Variants in CLCA4 observed in about 807,000 individuals in gnomAD.
The protein encoded by CLCA4 is chloride channel accessory 4.
In CLCA4, 69 loss-of-function variants were observed where a neutral mutation model predicts 78.9. The observed-to-expected ratio is 0.87, with a 90% CI of 0.72 to 1.07. The LOEUF is 1.07. CLCA4 is among the 50% of genes least tolerant of loss of function. The pLI is 0.00. For missense variants in CLCA4, 1,133 were observed against 1,095.8 expected (o/e 1.03, Z -0.48); for synonymous variants, 362 against 375.8 (o/e 0.96, Z 0.42).
intron 1 of CLCA4, among the ~76,000 whole-genome samples, chr1:86,554,838 T>C (rs1649785898): frequency 6.6e-6 from 1 of 151,556 alleles, no homozygotes; most frequent in Non-Finnish European, 1.5e-5. Context: ...TTCCCTTTTC[T>C]CCTCAACCTC....
intron 1 of CLCA4, chr1:86,552,945 TG>T: frequency 4.7e-6 from 3 of 642,202 alleles, no homozygotes; most frequent in Non-Finnish European, 8.5e-6. Flanking sequence ...TCGGCGTCTG[TG>T]CTGAGGTGAC....
At position 86,571,194 on chromosome 1, in the gene CLCA4, C is replaced by T. The variant is rs1650340511; in HGVS notation, c.1300C>T (p.His434Tyr). 3.1e-6 allele frequency: 5 copies of T among 1,612,838 alleles called. No individual in the cohort carries two copies. The African/African-American group carries it at 6.7e-5, about 22-fold the overall frequency. ...DEVKQSGAIV[H>Y]FIALGRAADE... is the part of the protein sequence containing the mutation. ...AGTGAAACAAAGTGGGGCCATTGTT[C>T]ATTTTATTGCTTTGGGAAGAGCTGC... is the stretch of plus-strand genomic sequence containing the variant. Residue 434 changes from histidine (H) to tyrosine (Y), a missense_variant, in exon 8 of 14, where the codon CAT becomes TAT. Coordinates refer to ENST00000370563, the MANE Select transcript of CLCA4 (RefSeq NM_012128.4).
In CLCA4 at chr1:86,548,280, A is replaced by T. The variant is rs144946896; in HGVS notation, c.159+1002A>T. ...TCTATTCAGATCATTTGCCCATTTT[A>T]AAATATTATTATTATTATTACTTTG... On this transcript the variant is annotated intron_variant, in intron 1 of 13. Coordinates refer to ENST00000370563, the MANE Select transcript of CLCA4 (RefSeq NM_012128.4). Among the ~76,000 whole-genome samples the T allele has an allele frequency of 2.1e-3, 319 of 152,220 alleles. 1 individual carries two copies. Among genetic ancestry groups the T allele is most frequent in the Non-Finnish European group, 3.5e-3 (238 of 67,994 alleles).
chr1:86,574,613 G>A lies in CLCA4; in HGVS notation c.1541G>A (p.Gly514Glu), dbSNP rs1362838003. The change falls in exon 10 of 14, where the codon GGA (glycine) becomes GAA (glutamate). Residue 514 changes from glycine (G) to glutamate (E), a missense_variant. Transcript: ENST00000370563. ...ACTGTCATAATTGATAGTACAGTGG[G>A]AAAGGACACGTTCTTTCTCATCACA... is the stretch of plus-strand genomic sequence containing the variant. ...NDTVIIDSTV[G>E]KDTFFLITWN... is the part of the protein sequence containing the mutation. The A allele has an allele frequency of 6.2e-7, 1 of 1,613,142 alleles. No homozygotes were observed. The highest frequency in any genetic ancestry group is 8.5e-7 in the Non-Finnish European group (1 of 1,179,502).
chr1:86,555,267 T>C (rs151282359), intron 1 of CLCA4, among the ~76,000 whole-genome samples: 1,850 of 152,200 alleles, frequency 0.012, 19 homozygotes, highest in Middle Eastern at 0.044. Flanking sequence ...GCATCTTTGT[T>C]ATAAAATCTT....
rs759448427 is a variant in CLCA4, at chr1:86,580,266, G to C, written c.2681G>C (p.Gly894Ala). 1 of 1,611,722 alleles carries C rather than the reference G, an allele frequency of 6.2e-7. No individual in the cohort carries two copies. Among genetic ancestry groups the C allele is most frequent in the Non-Finnish European group, 8.5e-7 (1 of 1,178,940 alleles). ...ACTCCTGATAAAAGTCATAATTCTG[G>C]AGTTAATATTTCTACGCTGGTATTG... ...TPTPDKSHNS[G>A]VNISTLVLSV... The change falls in exon 14 of 14, where the codon GGA becomes GCA. Residue 894 changes from glycine to alanine, a missense_variant. Transcript: ENST00000370563.
chr1:86,580,487 G>A lies in CLCA4; in HGVS notation c.*142G>A. ...TCATAAAAATAATTTTAAGATGTCG[G>A]AAAAGGATACTTTGATTAAATAAAA... On this transcript the variant is annotated 3_prime_UTR_variant, in exon 14 of 14. Coordinates refer to ENST00000370563, the MANE Select transcript of CLCA4 (RefSeq NM_012128.4). The A allele has an allele frequency of 1.8e-6, 1 of 551,568 alleles. No homozygotes were observed. The highest frequency in any genetic ancestry group is 3.2e-5 in the East Asian group (1 of 31,094). 34.2% of individuals were successfully genotyped at this position (551,568 alleles called of 1,614,324 possible). A position where few individuals can be genotyped will look rare whatever the true frequency, so the allele number is the denominator to read the frequency against.
In CLCA4 at chr1:86,572,693, T is replaced by C. The variant is rs140066783; in HGVS notation, c.1440T>C (p.Asn480=). ...CTTTTGGGGCTCTTACATCAGGAAA[T>C]ACTGATCTCTCCCAGAAGTCCCTTC... ...IDAFGALTSG[N]TDLSQKSLQL... The change falls in exon 9 of 14, where the codon AAT becomes AAC. Residue 480 remains asparagine, a synonymous_variant. Coordinates refer to ENST00000370563, the MANE Select transcript of CLCA4 (RefSeq NM_012128.4). 5.9e-4 allele frequency: 944 copies of C among 1,600,934 alleles called. 9 individuals carry two copies. In the African/African-American group the frequency reaches 0.011, roughly 18 times the overall value.
At position 86,572,701 on chromosome 1, in the gene CLCA4, T is replaced by C. The variant is rs1176986964; in HGVS notation, c.1448T>C (p.Leu483Pro). ...GCTCTTACATCAGGAAATACTGATC[T>C]CTCCCAGAAGTCCCTTCAGGTCAGA... Reference protein sequence around the residue: ...FGALTSGNTDLSQKSLQLESK... With the variant: ...FGALTSGNTDPSQKSLQLESK... The change falls in exon 9 of 14, where the codon CTC (leucine) becomes CCC (proline). Residue 483 changes from leucine (L) to proline (P), a missense_variant. Physicochemically the swap from Leu to Pro is moderately conservative, Grantham distance 98. Coordinates refer to ENST00000370563, the MANE Select transcript of CLCA4 (RefSeq NM_012128.4). 6.3e-7 allele frequency: 1 copy of C among 1,596,680 alleles called. No homozygotes were observed. Among genetic ancestry groups the C allele is most frequent in the Admixed American group, 1.7e-5 (1 of 59,856 alleles).
chr1:86,572,733 A>C lies in CLCA4; in HGVS notation c.1467+13A>C. Reference sequence around the variant, plus strand: ...GAAGTCCCTTCAGGTCAGAGTTCTCATTCCTTGGGTTTTCATGTTCACTTT... The same window carrying C: ...GAAGTCCCTTCAGGTCAGAGTTCTCCTTCCTTGGGTTTTCATGTTCACTTT... On this transcript the variant is annotated intron_variant, in intron 9 of 13. Coordinates refer to ENST00000370563, the MANE Select transcript of CLCA4 (RefSeq NM_012128.4). The C allele has an allele frequency of 2.1e-6, 3 of 1,433,454 alleles. No homozygotes were observed. The highest frequency in any genetic ancestry group is 2.0e-6 in the Non-Finnish European group (2 of 1,015,368). The allele number at this position is 1,433,454 out of a possible 1,614,324, so 88.8% of individuals were successfully genotyped here.
chr1:86,570,212 C>T (rs868682888), intron 7 of CLCA4, among the ~76,000 whole-genome samples: 16 of 151,906 alleles, frequency 1.1e-4, no homozygotes, highest in African/African-American at 3.9e-4. Flanking sequence ...ACACACACAC[C>T]TTCACTCCAT....
intron 1 of CLCA4, chr1:86,553,236 G>A: frequency 9.7e-7 from 1 of 1,035,002 alleles, no homozygotes; most frequent in East Asian, 2.4e-5. Context: ...GTCCAAGAGG[G>A]ACTGCCGCTG....
At chr1:86,575,654 G>A in intron 11 of CLCA4, 55 bp downstream of exon 11, 1 of 1,491,324 alleles carries the variant, frequency 6.7e-7, no homozygotes, top group South Asian at 1.2e-5. Flanking sequence ...AGCATGTTGT[G>A]AGTCCCTGTG....
In CLCA4 at chr1:86,580,388, G is replaced by A; in HGVS notation, c.*43G>A. The A allele has an allele frequency of 7.0e-7, 1 of 1,429,624 alleles. No individual in the cohort carries two copies. Among genetic ancestry groups the A allele is most frequent in the Non-Finnish European group, 9.3e-7 (1 of 1,073,976 alleles). The allele number at this position is 1,429,624 out of a possible 1,614,324, so 88.6% of individuals were successfully genotyped here. A position where few individuals can be genotyped will look rare whatever the true frequency, so the allele number is the denominator to read the frequency against. On this transcript the variant is annotated 3_prime_UTR_variant, in exon 14 of 14. Transcript: ENST00000370563. ...AATCTTCAAGTAGACCTAGAAGAGA[G>A]TTTTAAAAAACAAAACAATGTAAGT...
In CLCA4 at chr1:86,574,726, G is replaced by A. The variant is rs557805930; in HGVS notation, c.1654G>A (p.Ala552Thr). Residue 552 changes from alanine (A) to threonine (T), a missense_variant, in exon 10 of 14, where the codon GCC (alanine) becomes ACC (threonine). Ala to Thr is a moderately conservative substitution (Grantham distance 58). Transcript: ENST00000370563. Reference protein sequence around the residue: ...NFTVDATSKMAYLSIPGTAKV... With the variant: ...NFTVDATSKMTYLSIPGTAKV... ...CACAGTGGATGCAACTTCCAAAATGGCCTATCTCAGTATTCCAGGAACTGC... is the reference window on the plus strand; with the variant it reads ...CACAGTGGATGCAACTTCCAAAATGACCTATCTCAGTATTCCAGGAACTGC... 1 of 1,613,030 alleles carries A rather than the reference G, an allele frequency of 6.2e-7. No homozygotes were observed. The highest frequency in any genetic ancestry group is 8.5e-7 in the Non-Finnish European group (1 of 1,179,386).
At chr1:86,558,075 G>T (rs1342521637) in intron 1 of CLCA4, among the ~76,000 whole-genome samples, 1 of 151,922 alleles carries the variant, frequency 6.6e-6, no homozygotes, top group South Asian at 2.1e-4. Context: ...TTGAGCCTAT[G>T]GGTGTCATTA....
intron 1 of CLCA4, among the ~76,000 whole-genome samples, chr1:86,559,278 C>T (rs1463749544): frequency 6.6e-6 from 1 of 152,014 alleles, no homozygotes; most frequent in Non-Finnish European, 1.5e-5. Context: ...AAAGTTTTGT[C>T]TCTACTATGG....
intron 3 of CLCA4, among the ~76,000 whole-genome samples, chr1:86,561,008 T>G (rs1558186062): frequency 6.6e-6 from 1 of 152,234 alleles, no homozygotes; most frequent in African/African-American, 2.4e-5. Context: ...CATGTATCAC[T>G]ATTAAATGGG....
chr1:86,562,853 T>TAAAAAA (rs10579344), intron 3 of CLCA4, among the ~76,000 whole-genome samples: 1 of 133,234 alleles, frequency 7.5e-6, no homozygotes, highest in African/African-American at 2.8e-5. Flanking sequence ...GACTCCATCT[T>TAAAAAA]AAAAAAAAAA....
Sources: allele counts gnomAD v4.1 joint callset (sites outside exome capture counted in the v4.1 genomes callset), GRCh38; gene constraint gnomAD v4.1.1; transcripts MANE v1.5; gene names NCBI Gene and HGNC (gene_info 2026-07-23, HGNC 2026-07-21).